HNMT: variants seen among roughly 807,000 people sequenced by gnomAD.
The protein encoded by HNMT is histamine N-methyltransferase.
Under a neutral mutation model 32.1 loss-of-function variants are expected in HNMT, and 30 were observed. That is an observed-to-expected ratio of 0.93 (90% CI 0.70 to 1.27). HNMT has a LOEUF of 1.27. HNMT is among the 50% of genes most tolerant of loss of function. The probability of loss-of-function intolerance (pLI) is 0.00; values close to 1 mark genes in which losing one functional copy is unlikely to be tolerated. For missense variants in HNMT, 327 were observed against 346.0 expected, an observed-to-expected ratio of 0.95 and a Z score of 0.43; for synonymous variants, 125 against 119.0, an observed-to-expected ratio of 1.05 and a Z score of -0.33.
chr2:138,014,961 A>G lies in HNMT; in HGVS notation c.*831A>G, dbSNP rs1465211997. The G allele has an allele frequency of 6.6e-6, 1 of 152,100 alleles. No homozygotes were observed. Among genetic ancestry groups the G allele is most frequent in the Admixed American group, 6.6e-5 (1 of 15,256 alleles). The allele number at this position is 152,100 out of a possible 1,614,324, so 9.4% of individuals were successfully genotyped here. A position where few individuals can be genotyped will look rare whatever the true frequency, so the allele number is the denominator to read the frequency against. On this transcript the variant is annotated 3_prime_UTR_variant, in exon 6 of 6. Transcript: ENST00000280097. The stretch of plus-strand genomic sequence containing the variant: ...TCCCCTCAAAATAATAGCCAGATGT[A>G]TAAACAAAATTTATTGAAGAACAAA...
intron 2 of HNMT, among the ~76,000 whole-genome samples, chr2:137,984,640 T>C (rs1362221357): frequency 2.0e-5 from 3 of 152,212 alleles, no homozygotes; most frequent in Non-Finnish European, 2.9e-5. Context: ...TTGATACTTG[T>C]TGGTTATCTC....
chr2:137,970,287 C>A, intron 2 of HNMT, 70 bp downstream of exon 2: 9 of 864,550 alleles, frequency 1.0e-5, no homozygotes, highest in South Asian at 8.0e-5. Context: ...CAATATTGTT[C>A]ATTTTTTAGG....
intron 1 of HNMT, 96 bp from the exon 2 acceptor site, chr2:137,970,069 G>T (rs1680074920): frequency 3.3e-6 from 2 of 607,930 alleles, no homozygotes; most frequent in Admixed American, 2.9e-5. Flanking sequence ...TTCATTCATT[G>T]TATTTTTAGT....
At chr2:137,999,965 C>T (rs544181962) in intron 2 of HNMT, among the ~76,000 whole-genome samples, 16 of 151,384 alleles carry the variant, frequency 1.1e-4, no homozygotes, top group African/African-American at 2.9e-4. Flanking sequence ...TGCCCAAAGT[C>T]GTATACACCG....
chr2:137,975,086 T>C (rs1006867519), intron 2 of HNMT, among the ~76,000 whole-genome samples: 2 of 152,214 alleles, frequency 1.3e-5, no homozygotes, highest in South Asian at 4.1e-4. Flanking sequence ...ACAGATTTAA[T>C]AGTTAATTCT....
chr2:138,006,898 A>T (rs894258079), intron 5 of HNMT, among the ~76,000 whole-genome samples: 1 of 152,084 alleles, frequency 6.6e-6, no homozygotes, highest in African/African-American at 2.4e-5. Context: ...AAGGGAGTAA[A>T]GACTCAACAA....
chr2:138,005,092 C>T, intron 4 of HNMT, 40 bp from the exon 5 acceptor site: 1 of 1,116,318 alleles, frequency 9.0e-7, no homozygotes, highest in Non-Finnish European at 1.4e-6. Flanking sequence ...AAGACTTCAA[C>T]ATACAGAAGC....
rs1485410174 is a variant in HNMT at position 138,015,579 on chromosome 2, A to G, written c.*1449A>G. The G allele has an allele frequency of 1.3e-5, 2 of 152,204 alleles. No individual in the cohort carries two copies. Among genetic ancestry groups the G allele is most frequent in the East Asian group, 1.9e-4 (1 of 5,202 alleles). 9.4% of individuals were successfully genotyped at this position (152,204 alleles called of 1,614,324 possible). ...ATTGCTCTCTTTTTTGGACAACTTC[A>G]TCAATGCTTTTTGAATTATATGTTT... is the stretch of plus-strand genomic sequence containing the variant. On this transcript the variant is annotated 3_prime_UTR_variant, in exon 6 of 6. Transcript: ENST00000280097.
intron 2 of HNMT, among the ~76,000 whole-genome samples, chr2:137,983,288 T>C (rs1680558336): frequency 6.6e-6 from 1 of 152,172 alleles, no homozygotes; most frequent in Non-Finnish European, 1.5e-5. Flanking sequence ...CTCACTACAG[T>C]CACTAACTCT....
chr2:138,002,409 T>C (rs983201128), intron 4 of HNMT: 34 of 955,268 alleles, frequency 3.6e-5, no homozygotes, highest in Non-Finnish European at 4.3e-5. Flanking sequence ...CTAATCAAAA[T>C]ACCTCTACAA....
chr2:138,004,477 C>A (rs114626937), intron 4 of HNMT, among the ~76,000 whole-genome samples: 1 of 151,946 alleles, frequency 6.6e-6, no homozygotes, highest in African/African-American at 2.4e-5. Flanking sequence ...AAATTTCCCA[C>A]GTCAATGCCT....
intron 2 of HNMT, among the ~76,000 whole-genome samples, chr2:137,973,790 G>A (rs1680204716): frequency 6.6e-6 from 1 of 151,408 alleles, no homozygotes; most frequent in South Asian, 2.1e-4. Context: ...GGGGGGGGGT[G>A]GTCTATTTGA....
At chr2:137,976,301 A>C (rs1378787843) in intron 2 of HNMT, among the ~76,000 whole-genome samples, 1 of 150,350 alleles carries the variant, frequency 6.7e-6, no homozygotes, top group South Asian at 2.1e-4. Context: ...AAACCTGTCT[A>C]TAAATAGAAA....
At chr2:137,999,199 A>T (rs1452734605) in intron 2 of HNMT, among the ~76,000 whole-genome samples, 2 of 152,196 alleles carry the variant, frequency 1.3e-5, no homozygotes, top group East Asian at 3.8e-4. Flanking sequence ...TATTAATAAT[A>T]TCATGGAACT....
chr2:138,013,084 T>C (rs962671593), intron 5 of HNMT, among the ~76,000 whole-genome samples: 2 of 152,192 alleles, frequency 1.3e-5, no homozygotes, highest in Non-Finnish European at 2.9e-5. Flanking sequence ...CTGAAATTAA[T>C]TTAAATGAAT....
chr2:138,011,932 C>T (rs1321295141), intron 5 of HNMT, among the ~76,000 whole-genome samples: 1 of 152,052 alleles, frequency 6.6e-6, no homozygotes, highest in Non-Finnish European at 1.5e-5. Flanking sequence ...AGAAGGAAAG[C>T]CAGGCTTCAT....
chr2:137,981,383 C>T (rs367612505), intron 2 of HNMT: 1 of 1,608,778 alleles, frequency 6.2e-7, no homozygotes, highest in East Asian at 2.2e-5. Context: ...TCCCTCATTC[C>T]TAGTTTCCTT....
At position 138,014,123 on chromosome 2, in the gene HNMT, A is replaced by G; in HGVS notation, c.872A>G (p.Glu291Gly). ...FNNTLSFIVI[E>G]A ...AATACTCTGAGTTTCATAGTGATTGAGGCATAACTATCAATCACAAAAGTA... is the reference window on the plus strand; with the variant it reads ...AATACTCTGAGTTTCATAGTGATTGGGGCATAACTATCAATCACAAAAGTA... The change falls in exon 6 of 6, where the codon GAG becomes GGG. Residue 291 changes from glutamate to glycine, a missense_variant. Coordinates refer to ENST00000280097, the MANE Select transcript of HNMT (RefSeq NM_006895.3). The G allele has an allele frequency of 6.6e-7, 1 of 1,519,814 alleles. No homozygotes were observed. The highest frequency in any genetic ancestry group is 9.0e-7 in the Non-Finnish European group (1 of 1,114,646). The allele number at this position is 1,519,814 out of a possible 1,614,324, so 94.1% of individuals were successfully genotyped here. A position where few individuals can be genotyped will look rare whatever the true frequency, so the allele number is the denominator to read the frequency against.
rs75900439 is a variant in HNMT at position 137,975,249 on chromosome 2, A to T, written c.190+5032A>T. 8.1e-3 allele frequency among the ~76,000 whole-genome samples: 1,238 copies of T among 152,300 alleles called. 21 individuals carry two copies. The highest frequency in any genetic ancestry group is 0.028 in the African/African-American group (1,179 of 41,558). On this transcript the variant is annotated intron_variant, in intron 2 of 5. Transcript: ENST00000280097. ...TCCAAAGAGGTGTTTGAAGGCTTCAATATTTAAAGGGGGAAGAGCAGCAGG... is the reference window on the plus strand; with the variant it reads ...TCCAAAGAGGTGTTTGAAGGCTTCATTATTTAAAGGGGGAAGAGCAGCAGG...
Sources: allele counts gnomAD v4.1 joint callset (sites outside exome capture counted in the v4.1 genomes callset), GRCh38; gene constraint gnomAD v4.1.1; transcripts MANE v1.5; gene names NCBI Gene and HGNC (gene_info 2026-07-23, HGNC 2026-07-21).